The following EML6 variants were observed in gnomAD, a reference collection of about 807,000 sequenced individuals.
The protein encoded by EML6 is EMAP like 6.
EML6 carries 154 observed loss-of-function variants against 240.1 expected under a neutral mutation model. The observed-to-expected ratio is 0.64, with a 90% CI of 0.56 to 0.73. The LOEUF (loss-of-function observed/expected upper bound fraction) is 0.73. EML6 is among the 30% of genes least tolerant of loss of function. EML6 has a pLI of 0.00. For synonymous variants in EML6, 1,148 were observed against 899.0 expected, an observed-to-expected ratio of 1.28 and a Z score of -4.95; for missense variants, 2,964 against 2,474.6, an observed-to-expected ratio of 1.20 and a Z score of -4.20.
chr2:54,930,731 G>A (rs530629247), intron 28 of EML6, among the ~76,000 whole-genome samples: 112 of 152,222 alleles, frequency 7.4e-4, no homozygotes, highest in African/African-American at 2.6e-3. Context: ...TCAATTCCCA[G>A]AAGGAGCTGG....
chr2:54,927,431 C>T (rs961476285), intron 26 of EML6, among the ~76,000 whole-genome samples: 1 of 152,204 alleles, frequency 6.6e-6, no homozygotes, highest in African/African-American at 2.4e-5. Flanking sequence ...TCTGTCACAA[C>T]CTCAGAGAGT....
chr2:54,905,186 A>T (rs1283866542), intron 24 of EML6, among the ~76,000 whole-genome samples: 4 of 151,894 alleles, frequency 2.6e-5, no homozygotes, highest in Non-Finnish European at 4.4e-5. Context: ...GGTGAGGCCG[A>T]TGAAAGCAGC....
At position 54,899,794 on chromosome 2, in the gene EML6, C is replaced by T; in HGVS notation, c.3124+12C>T. On this transcript the variant is annotated intron_variant, in intron 22 of 41. Transcript: ENST00000356458. ...GAAACTCAAAAAAGGTACATAACAC[C>T]ACCTTACACATCTGTCAGAGTATTT... 1 of 1,545,020 alleles carries T rather than the reference C, an allele frequency of 6.5e-7. No homozygotes were observed. The highest frequency in any genetic ancestry group is 1.7e-4 in the Middle Eastern group (1 of 5,966).
intron 22 of EML6, among the ~76,000 whole-genome samples, chr2:54,902,105 G>T (rs1052014932): frequency 6.6e-6 from 1 of 152,062 alleles, no homozygotes; most frequent in Non-Finnish European, 1.5e-5. Context: ...TCAGAGAATT[G>T]GAGCAACTAA....
At chr2:54,961,918 C>A (rs1465346317) in intron 35 of EML6, among the ~76,000 whole-genome samples, 1 of 151,494 alleles carries the variant, frequency 6.6e-6, no homozygotes, top group Non-Finnish European at 1.5e-5. Context: ...GCAGGAGAAT[C>A]GCTTGAACCC....
chr2:54,781,241 G>T (rs1315724725), intron 2 of EML6, among the ~76,000 whole-genome samples: 1 of 152,184 alleles, frequency 6.6e-6, no homozygotes, highest in South Asian at 2.1e-4. Context: ...TGGCATAAGT[G>T]TTGAGAGACT....
chr2:54,838,453 A>G (rs1192519662), intron 7 of EML6, among the ~76,000 whole-genome samples: 1 of 152,230 alleles, frequency 6.6e-6, no homozygotes, highest in Admixed American at 6.5e-5. Flanking sequence ...TTACCATGTC[A>G]CACAGCTGGC....
intron 5 of EML6, among the ~76,000 whole-genome samples, chr2:54,821,107 C>G (rs893484882): frequency 3.3e-5 from 5 of 152,006 alleles, no homozygotes; most frequent in Admixed American, 6.6e-5. Context: ...TCTATAGGAT[C>G]GTAAATAATG....
chr2:54,855,011 G>T (rs1488719757), intron 11 of EML6, among the ~76,000 whole-genome samples: 1 of 152,208 alleles, frequency 6.6e-6, no homozygotes, highest in Non-Finnish European at 1.5e-5. Flanking sequence ...ATAACTCGAT[G>T]ATAATTGATA....
rs1558584119 is a variant in EML6 at position 54,827,603 on chromosome 2, G to C, written c.563G>C (p.Arg188Thr). Residue 188 changes from arginine to threonine, a missense_variant, in exon 6 of 42, where the codon AGA (arginine) becomes ACA (threonine). Transcript: ENST00000356458. ...TLCGNALTAKRGIFGKTGDLQ... is the reference protein window; with the variant it reads ...TLCGNALTAKTGIFGKTGDLQ... Reference sequence around the variant, plus strand: ...TGTGGAAATGCCCTGACTGCAAAAAGAGGGATATTTGGCAAAACAGGGGAT... The same window carrying C: ...TGTGGAAATGCCCTGACTGCAAAAACAGGGATATTTGGCAAAACAGGGGAT... The C allele has an allele frequency of 6.4e-7, 1 of 1,551,694 alleles. No individual in the cohort carries two copies. The highest frequency in any genetic ancestry group is 8.7e-7 in the Non-Finnish European group (1 of 1,146,984).
intron 2 of EML6, among the ~76,000 whole-genome samples, chr2:54,807,937 A>T (rs1670583652): frequency 6.6e-6 from 1 of 152,218 alleles, no homozygotes; most frequent in South Asian, 2.1e-4. Context: ...ACCAGTAAGT[A>T]TAGCATACAG....
At chr2:54,854,865 G>A (rs1558616931) in intron 11 of EML6, among the ~76,000 whole-genome samples, 3 of 152,206 alleles carry the variant, frequency 2.0e-5, no homozygotes, top group African/African-American at 7.2e-5. Context: ...GGCATATCTT[G>A]TTAGATTGAG....
At position 54,910,926 on chromosome 2, in the gene EML6, A is replaced by G. The variant is rs574827555; in HGVS notation, c.3410-28A>G. ...AAAGAGATAAAGTCAGATTTTAATT[A>G]TCTCTCTACTTCGTTCTGTCGTAAC... On this transcript the variant is annotated intron_variant, in intron 24 of 41. Coordinates refer to ENST00000356458, the MANE Select transcript of EML6 (RefSeq NM_001039753.4). 171 of 1,183,014 alleles carry G rather than the reference A, an allele frequency of 1.4e-4. 2 individuals are homozygous for G. In the African/African-American group the frequency reaches 2.5e-3, roughly 18 times the overall value. The allele number at this position is 1,183,014 out of a possible 1,614,324, so 73.3% of individuals were successfully genotyped here.
rs1676777075 is a variant in EML6, at chr2:54,966,990, C to T, written c.5494-10C>T. The T allele has an allele frequency of 6.5e-7, 1 of 1,532,950 alleles. No homozygotes were observed. The highest frequency in any genetic ancestry group is 8.8e-7 in the Non-Finnish European group (1 of 1,130,906). 95.0% of individuals were successfully genotyped at this position (1,532,950 alleles called of 1,614,324 possible). ...AACGTTGATGAACATGGCTTCCCTT[C>T]TACCTACAGGTGTCAACAGGTGCCT... On this transcript the variant is annotated splice_polypyrimidine_tract_variant and intron_variant, in intron 38 of 41. Coordinates refer to ENST00000356458, the MANE Select transcript of EML6 (RefSeq NM_001039753.4).
chr2:54,815,439 T>G (rs1050203295), intron 3 of EML6, among the ~76,000 whole-genome samples: 4 of 152,220 alleles, frequency 2.6e-5, no homozygotes, highest in African/African-American at 9.6e-5. Context: ...AAAATGCTTT[T>G]CAGGTAGCTA....
Position 54,847,138 on chromosome 2 carries a change from G to T in EML6, c.1050-348G>T, listed in dbSNP as rs559263559. On this transcript the variant is annotated intron_variant, in intron 8 of 41. Coordinates refer to ENST00000356458, the MANE Select transcript of EML6 (RefSeq NM_001039753.4). ...GCCCAGGCTATTCTCGAACTCCTGG[G>T]CTCAAGTGTTCCTCCTGCCATGGCC... is the stretch of plus-strand genomic sequence containing the variant. Among the ~76,000 whole-genome samples the T allele has an allele frequency of 1.1e-4, 16 of 152,044 alleles. No individual in the cohort carries two copies. The South Asian group carries it at 3.3e-3, about 32-fold the overall frequency.
At chr2:54,876,232 A>G (rs905924405) in intron 16 of EML6, among the ~76,000 whole-genome samples, 3 of 152,242 alleles carry the variant, frequency 2.0e-5, no homozygotes, top group Non-Finnish European at 4.4e-5. Flanking sequence ...GCTTACAGGG[A>G]AAGTGAGAAC....
At chr2:54,858,610 C>G (rs773957433) in intron 11 of EML6, among the ~76,000 whole-genome samples, 1 of 152,194 alleles carries the variant, frequency 6.6e-6, no homozygotes, top group Non-Finnish European at 1.5e-5. Context: ...TGCTTCCTTT[C>G]CCTTCTGCAG....
intron 19 of EML6, among the ~76,000 whole-genome samples, 178 bp from the exon 20 acceptor site, chr2:54,894,737 G>A (rs1672669472): frequency 6.6e-6 from 1 of 152,136 alleles, no homozygotes; most frequent in Non-Finnish European, 1.5e-5. Context: ...GGGAAGTATG[G>A]GAGAAATGCT....
Sources: gnomAD v4.1 joint callset for allele counts (sites outside exome capture counted in the v4.1 genomes callset) on GRCh38, gnomAD v4.1.1 for gene constraint, MANE v1.5 for transcripts, NCBI Gene and HGNC (gene_info 2026-07-23, HGNC 2026-07-21) for gene names.